Variants in CABIN1 observed in about 807,000 individuals in gnomAD.
CABIN1 encodes the protein calcineurin-binding protein cabin-1.
Under a neutral mutation model 227.7 loss-of-function variants are expected in CABIN1, and 133 were observed. That is an observed-to-expected ratio of 0.58 (90% CI 0.51 to 0.67). The LOEUF is 0.67. Ranked by LOEUF, CABIN1 falls within the 30% of genes least tolerant of loss-of-function variation. The probability of loss-of-function intolerance (pLI) is 0.00; values close to 1 mark genes in which losing one functional copy is unlikely to be tolerated. For synonymous variants in CABIN1, 1,086 were observed against 1,155.1 expected (o/e 0.94, Z 1.21); for missense variants, 2,408 against 2,852.5 (o/e 0.84, Z 3.55).
intron 8 of CABIN1, among the ~76,000 whole-genome samples, chr22:24,053,078 C>CTTTTTTTT (rs71184943): frequency 4.5e-4 from 59 of 131,256 alleles, no homozygotes; most frequent in Non-Finnish European, 6.1e-4. Context: ...TTTCTTTTTT[C>CTTTTTTTT]TTTTTTTTTT....
intron 29 of CABIN1, among the ~76,000 whole-genome samples, chr22:24,135,967 C>G (rs866985980): frequency 6.6e-6 from 1 of 152,130 alleles, no homozygotes; most frequent in Admixed American, 6.5e-5. Flanking sequence ...CCTGCATCTG[C>G]CCACCCTCTC....
At chr22:24,155,319 C>T (rs781005918) in intron 29 of CABIN1, among the ~76,000 whole-genome samples, 6 of 152,078 alleles carry the variant, frequency 3.9e-5, no homozygotes, top group Non-Finnish European at 7.4e-5. Context: ...GGCCGGAGAG[C>T]GACCCTCCCT....
chr22:24,132,887 T>C (rs924803264), intron 28 of CABIN1, among the ~76,000 whole-genome samples: 7 of 152,144 alleles, frequency 4.6e-5, no homozygotes, highest in African/African-American at 1.7e-4. Flanking sequence ...CGCGCCCAGC[T>C]GCTGGGGACA....
At chr22:24,028,080 A>G (rs1214475539) in intron 1 of CABIN1, among the ~76,000 whole-genome samples, 1 of 152,184 alleles carries the variant, frequency 6.6e-6, no homozygotes, top group East Asian at 1.9e-4. Flanking sequence ...ATAAAAGTTA[A>G]TGTTTATACT....
intron 29 of CABIN1, among the ~76,000 whole-genome samples, chr22:24,147,245 C>G (rs892128859): frequency 4.2e-5 from 6 of 143,396 alleles, no homozygotes; most frequent in Non-Finnish European, 7.7e-5. Flanking sequence ...CCCTCCCTCT[C>G]TCCCTGCCTC....
chr22:24,105,666 G>A (rs758082422), intron 26 of CABIN1, among the ~76,000 whole-genome samples: 50 of 152,062 alleles, frequency 3.3e-4, no homozygotes, highest in Non-Finnish European at 4.9e-4. Context: ...AGCCCCATAG[G>A]AAGTTTAGGC....
In CABIN1 at chr22:24,163,515, C is replaced by T. The variant is rs375264332; in HGVS notation, c.4747-885C>T. Among the ~76,000 whole-genome samples, 3 of 152,336 alleles carry T rather than the reference C, an allele frequency of 2.0e-5. No individual in the cohort carries two copies. In the South Asian group the frequency reaches 6.2e-4, roughly 32 times the overall value. On this transcript the variant is annotated intron_variant, in intron 29 of 36. Transcript: ENST00000263119. ...ATGCCAAGGAGAAAGCAATGTCACTCATAACCTTGGTCCATTCTGGGCAGC... is the reference window on the plus strand; with the variant it reads ...ATGCCAAGGAGAAAGCAATGTCACTTATAACCTTGGTCCATTCTGGGCAGC...
At chr22:24,063,230 G>A in intron 14 of CABIN1, 84 bp downstream of exon 14, 1 of 1,323,418 alleles carries the variant, frequency 7.6e-7, no homozygotes, top group Non-Finnish European at 1.1e-6. Flanking sequence ...GAGGGTGTGT[G>A]TGTGTATGTG....
intron 1 of CABIN1, among the ~76,000 whole-genome samples, chr22:24,025,484 T>C (rs1313870610): frequency 6.6e-6 from 1 of 152,172 alleles, no homozygotes; most frequent in Non-Finnish European, 1.5e-5. Context: ...CCCACATTTT[T>C]GTAGGTTTGG....
intron 29 of CABIN1, among the ~76,000 whole-genome samples, chr22:24,139,145 CAT>C (rs1236858986): frequency 1.2e-4 from 18 of 152,352 alleles, no homozygotes; most frequent in East Asian, 1.9e-4. Flanking sequence ...AGTTCAGACA[CAT>C]AGAGTCCACA....
chr22:24,054,752 C>A, intron 8 of CABIN1, 121 bp from the exon 9 acceptor site: 2 of 1,230,638 alleles, frequency 1.6e-6, no homozygotes, highest in East Asian at 2.3e-5. Flanking sequence ...CCCCCACCCC[C>A]ATGGACATGG....
At chr22:24,019,742 C>G (rs1217774783) in intron 1 of CABIN1, among the ~76,000 whole-genome samples, 2 of 143,744 alleles carry the variant, frequency 1.4e-5, no homozygotes, top group Non-Finnish European at 3.0e-5. Context: ...ACCACAACCT[C>G]TGCTTCCTGG....
At chr22:24,136,753 A>G (rs933649594) in intron 29 of CABIN1, among the ~76,000 whole-genome samples, 5 of 150,754 alleles carry the variant, frequency 3.3e-5, no homozygotes, top group African/African-American at 1.2e-4. Context: ...ACACACACAC[A>G]CACACACACA....
rs1029572406 is a variant in CABIN1, at chr22:24,169,397, G to A, written c.5757+876G>A. On this transcript the variant is annotated intron_variant, in intron 33 of 36. Transcript: ENST00000263119. ...GTAGCTGCCTTTGGGGTCCAGACGGGCTTCCTTCTCAGTGGAATGGAGCCT... is the reference window on the plus strand; with the variant it reads ...GTAGCTGCCTTTGGGGTCCAGACGGACTTCCTTCTCAGTGGAATGGAGCCT... Among the ~76,000 whole-genome samples the A allele has an allele frequency of 4.6e-5, 7 of 152,298 alleles. No homozygotes were observed. In the South Asian group the frequency reaches 1.5e-3, roughly 32 times the overall value.
chr22:24,023,114 C>T (rs2035839846), intron 1 of CABIN1, among the ~76,000 whole-genome samples: 1 of 152,212 alleles, frequency 6.6e-6, no homozygotes. Flanking sequence ...GTGGTACTTT[C>T]AGTCTCTAGG....
chr22:24,159,471 C>T (rs2046026864), intron 29 of CABIN1, among the ~76,000 whole-genome samples: 1 of 152,330 alleles, frequency 6.6e-6, no homozygotes, highest in African/African-American at 2.4e-5. Flanking sequence ...TGCCTGCTTG[C>T]TCCCTTGTCA....
rs1372058793 is a variant in CABIN1, at chr22:24,177,730, C to A, written c.6432C>A (p.Phe2144Leu). 2 of 1,612,346 alleles carry A rather than the reference C, an allele frequency of 1.2e-6. No homozygotes were observed. Among genetic ancestry groups the A allele is most frequent in the Non-Finnish European group, 1.7e-6 (2 of 1,178,702 alleles). The change falls in exon 36 of 37, where the codon TTC becomes TTA. Residue 2144 changes from phenylalanine (F) to leucine (L), a missense_variant. Physicochemically the swap from Phe to Leu is conservative, Grantham distance 22 (BLOSUM62 0). Around this residue, in one of 3 missense-constraint regions of CABIN1, gnomAD observed 714 missense variants for 773.8 expected, o/e 0.92. Transcript: ENST00000263119. This position sits in a 1 kb window ranked among gnomAD's most constrained non-coding sequence, Gnocchi z 4.4. ...TCATCCCCTCCGCCGCCACCAAGTTCCCCCCTGAGATCACCGTCACGCCAC... is the reference window on the plus strand; with the variant it reads ...TCATCCCCTCCGCCGCCACCAAGTTACCCCCTGAGATCACCGTCACGCCAC... ...KLVIPSAATK[F>L]PPEITVTPPT...
chr22:24,164,287 T>A, intron 29 of CABIN1, 113 bp from the exon 30 acceptor site: 5 of 1,329,506 alleles, frequency 3.8e-6, no homozygotes, highest in Non-Finnish European at 5.3e-6. Flanking sequence ...AGCCCCTGGC[T>A]GGGCAGTGTC....
chr22:24,156,450 T>C (rs540048374), intron 29 of CABIN1: 1 of 199,266 alleles, frequency 5.0e-6, no homozygotes, highest in African/African-American at 2.3e-5. Context: ...CATCCAGCCC[T>C]ACCAAGCCCC....
Sources: gnomAD v4.1 joint callset for allele counts (sites outside exome capture counted in the v4.1 genomes callset) on GRCh38, gnomAD v4.1.1 for gene constraint, gnomAD v4.1.1 regional missense constraint, Gnocchi (gnomAD v3.1) non-coding constraint, MANE v1.5 for transcripts, NCBI Gene and HGNC (gene_info 2026-07-23, HGNC 2026-07-21) for gene names.